KCND2: variants seen among roughly 807,000 people sequenced by gnomAD.
KCND2 encodes A-type voltage-gated potassium channel KCND2.
KCND2 carries 16 observed loss-of-function variants against 54.4 expected under a neutral mutation model. The ratio of observed to expected loss-of-function variants is 0.29; its 90% confidence interval spans 0.20 to 0.45. The LOEUF is 0.45. KCND2 is among the 20% of genes least tolerant of loss of function. KCND2 has a pLI of 1.00. For missense variants in KCND2, 486 were observed against 824.2 expected (o/e 0.59, Z 5.02); for synonymous variants, 317 against 310.7 (o/e 1.02, Z -0.21).
At chr7:120,499,787 A>G (rs934188643) in intron 1 of KCND2, among the ~76,000 whole-genome samples, 1 of 152,070 alleles carries the variant, frequency 6.6e-6, no homozygotes, top group African/African-American at 2.4e-5. Flanking sequence ...AGGCTATATG[A>G]TAGATTAAAT....
At chr7:120,299,075 A>G (rs896212617) in intron 1 of KCND2, among the ~76,000 whole-genome samples, 1 of 152,086 alleles carries the variant, frequency 6.6e-6, no homozygotes, top group Non-Finnish European at 1.5e-5. Context: ...CAGGAGAATC[A>G]CTTGAACCTG....
intron 1 of KCND2, among the ~76,000 whole-genome samples, chr7:120,683,714 G>T (rs561657056): frequency 6.6e-6 from 1 of 151,946 alleles, no homozygotes; most frequent in Admixed American, 6.6e-5. Flanking sequence ...GAATAGCATA[G>T]TTACAACAAA....
chr7:120,701,041 G>C (rs1170124078), intron 1 of KCND2, among the ~76,000 whole-genome samples: 3 of 151,970 alleles, frequency 2.0e-5, no homozygotes, highest in African/African-American at 7.3e-5. Context: ...AGTAGGATGC[G>C]GGAGTTCCAG....
At chr7:120,708,109 T>A (rs914037209) in intron 1 of KCND2, among the ~76,000 whole-genome samples, 1 of 152,060 alleles carries the variant, frequency 6.6e-6, no homozygotes, top group Non-Finnish European at 1.5e-5. Flanking sequence ...AAGTGACAAC[T>A]CAAAGAGCAG....
intron 1 of KCND2, among the ~76,000 whole-genome samples, chr7:120,704,213 A>G (rs1792437919): frequency 6.6e-6 from 1 of 152,204 alleles, no homozygotes; most frequent in African/African-American, 2.4e-5. Flanking sequence ...ACAAAAATCA[A>G]TATCAATGTA....
intron 1 of KCND2, among the ~76,000 whole-genome samples, chr7:120,594,382 T>C (rs1301124840): frequency 6.8e-6 from 1 of 147,970 alleles, no homozygotes; most frequent in East Asian, 1.9e-4. Flanking sequence ...TTTCTCACAG[T>C]TCTGTTGCTG....
At position 120,275,163 on chromosome 7, in the gene KCND2, C is replaced by T. The variant is rs1041560860; in HGVS notation, c.531C>T (p.Asn177=). 2 of 1,614,016 alleles carry T rather than the reference C, an allele frequency of 1.2e-6. No individual in the cohort carries two copies. Among genetic ancestry groups the T allele is most frequent in the South Asian group, 1.1e-5 (1 of 91,076 alleles). Residue 177 remains asparagine, a synonymous_variant, in exon 1 of 6, where the codon AAC becomes AAT. Transcript: ENST00000331113. ...ARQRVWRAFE[N]PHTSTMALVF... ...AGAGGGTCTGGAGGGCCTTCGAGAA[C>T]CCCCACACCAGCACGATGGCCCTGG...
chr7:120,535,291 T>C (rs1371559922), intron 1 of KCND2, among the ~76,000 whole-genome samples: 1 of 152,144 alleles, frequency 6.6e-6, no homozygotes, highest in Non-Finnish European at 1.5e-5. Context: ...TGGACACTTT[T>C]AGTCATAAAT....
chr7:120,342,625 A>G (rs1336523682), intron 1 of KCND2, among the ~76,000 whole-genome samples: 1 of 152,186 alleles, frequency 6.6e-6, no homozygotes, highest in East Asian at 1.9e-4. Flanking sequence ...TTGCTTTTGT[A>G]GTAAATACTA....
intron 1 of KCND2, among the ~76,000 whole-genome samples, chr7:120,576,320 A>G (rs1401421788): frequency 1.3e-5 from 2 of 152,220 alleles, no homozygotes; most frequent in African/African-American, 2.4e-5. Context: ...TATAACAAAA[A>G]TATTTTACAG....
intron 1 of KCND2, among the ~76,000 whole-genome samples, chr7:120,529,843 G>A (rs541883209): frequency 3.3e-5 from 5 of 152,166 alleles, no homozygotes; most frequent in South Asian, 4.1e-4. Flanking sequence ...TGTATTATGC[G>A]AGGCCGAGGC....
intron 1 of KCND2, among the ~76,000 whole-genome samples, chr7:120,455,522 C>T (rs1053991560): frequency 1.3e-5 from 2 of 152,128 alleles, no homozygotes; most frequent in Non-Finnish European, 2.9e-5. Context: ...ACCATAAAGA[C>T]ACCTGCACAC....
chr7:120,466,380 A>G (rs1325734842), intron 1 of KCND2, among the ~76,000 whole-genome samples: 1 of 152,180 alleles, frequency 6.6e-6, no homozygotes, highest in East Asian at 1.9e-4. Flanking sequence ...AAAAAAACTA[A>G]AATAGGTTGG....
At chr7:120,679,862 G>A (rs147452379) in intron 1 of KCND2, among the ~76,000 whole-genome samples, 3 of 152,056 alleles carry the variant, frequency 2.0e-5, no homozygotes, top group East Asian at 1.9e-4. Flanking sequence ...TTATTCATTT[G>A]CTCATTTAAA....
chr7:120,723,355 A>G (rs1004387375), intron 1 of KCND2, among the ~76,000 whole-genome samples: 5 of 152,220 alleles, frequency 3.3e-5, no homozygotes, highest in African/African-American at 1.2e-4. Context: ...AAGAAAAATA[A>G]CTACCACACG....
intron 1 of KCND2, among the ~76,000 whole-genome samples, chr7:120,592,532 A>G (rs1371262915): frequency 6.6e-6 from 1 of 152,222 alleles, no homozygotes; most frequent in Non-Finnish European, 1.5e-5. Flanking sequence ...ACTCTGTTTC[A>G]AAACAGAAGA....
chr7:120,740,037 T>C (rs1344890086), intron 2 of KCND2, among the ~76,000 whole-genome samples: 1 of 152,212 alleles, frequency 6.6e-6, no homozygotes, highest in East Asian at 1.9e-4. Context: ...GATCTTTATA[T>C]GCATATACGG....
intron 1 of KCND2, among the ~76,000 whole-genome samples, chr7:120,392,740 T>G (rs1007423395): frequency 2.6e-5 from 4 of 151,960 alleles, no homozygotes; most frequent in Non-Finnish European, 4.4e-5. Flanking sequence ...ATAAGCCATC[T>G]CTTGCTGCCG....
chr7:120,692,252 A>C (rs1029980789), intron 1 of KCND2, among the ~76,000 whole-genome samples: 2 of 152,202 alleles, frequency 1.3e-5, no homozygotes, highest in African/African-American at 4.8e-5. Context: ...CCAATATTAC[A>C]TGAAGTCCAT....
Sources: allele counts gnomAD v4.1 joint callset (sites outside exome capture counted in the v4.1 genomes callset), GRCh38; gene constraint gnomAD v4.1.1; transcripts MANE v1.5; gene names NCBI Gene and HGNC (gene_info 2026-07-23, HGNC 2026-07-21).